The following NAA60 variants were observed in gnomAD, a reference collection of about 807,000 sequenced individuals.
The protein encoded by NAA60 is N-alpha-acetyltransferase 60, NatF catalytic subunit.
A neutral mutation model predicts 26.1 loss-of-function variants in NAA60; 8 were observed. That is an observed-to-expected ratio of 0.31 (90% confidence interval 0.18 to 0.55). NAA60 has a LOEUF of 0.55. Among genes scored for constraint, NAA60 ranks in the 20% least tolerant of loss-of-function variants. The probability of loss-of-function intolerance (pLI) is 0.93; values close to 1 mark genes in which losing one functional copy is unlikely to be tolerated. For synonymous variants in NAA60, 131 were observed against 122.5 expected, an observed-to-expected ratio of 1.07 and a Z score of -0.46; for missense variants, 290 against 311.3, an observed-to-expected ratio of 0.93 and a Z score of 0.51.
intron 2 of NAA60, among the ~76,000 whole-genome samples, chr16:3,473,441 G>T (rs887175362): frequency 1.3e-5 from 2 of 152,250 alleles, no homozygotes; most frequent in Middle Eastern, 6.8e-3. Context: ...GGTCTCGTGG[G>T]ACTTATTCAC....
chr16:3,463,551 T>TA (rs71133639), intron 2 of NAA60, among the ~76,000 whole-genome samples: 15,686 of 113,742 alleles, frequency 0.14, 1,251 homozygotes, highest in Non-Finnish European at 0.19. Context: ...GACCCTGTGT[T>TA]AAAAAAAAAA....
intron 5 of NAA60, chr16:3,482,943 A>C: frequency 2.1e-6 from 1 of 483,420 alleles, no homozygotes; most frequent in Non-Finnish European, 3.8e-6. Flanking sequence ...TCAGAGTAGA[A>C]AGCGTGAACA....
rs1429269091 is a variant in NAA60 at position 3,484,722 on chromosome 16, C to T, written c.596C>T (p.Ser199Phe). The T allele has an allele frequency of 5.6e-6, 9 of 1,594,998 alleles. No individual in the cohort carries two copies. Among genetic ancestry groups the T allele is most frequent in the Non-Finnish European group, 6.8e-6 (8 of 1,171,882 alleles). ...ACGGACTACATCCAGCACCTGGGCT[C>T]TGCACTAGCCAGCCTGAGCCCCTGC... ...TILDYIQHLG[S>F]ALASLSPCSI... Residue 199 changes from serine to phenylalanine, a missense_variant, in exon 7 of 8, where the codon TCT becomes TTT. Ser to Phe is a radical substitution (Grantham distance 155). Transcript: ENST00000407558.
At chr16:3,448,593 G>A in intron 2 of NAA60, 53 bp downstream of exon 2, 1 of 1,442,344 alleles carries the variant, frequency 6.9e-7, no homozygotes, top group Non-Finnish European at 9.4e-7. Flanking sequence ...ATAGTCAGAG[G>A]AAGCCTACTT....
chr16:3,475,473 G>A (rs954634444), intron 2 of NAA60, among the ~76,000 whole-genome samples: 4 of 152,028 alleles, frequency 2.6e-5, no homozygotes, highest in African/African-American at 7.2e-5. Flanking sequence ...GCACTTGGCC[G>A]GCCAGCCTTC....
At chr16:3,462,196 G>A (rs2035455460) in intron 2 of NAA60, among the ~76,000 whole-genome samples, 1 of 151,658 alleles carries the variant, frequency 6.6e-6, no homozygotes, top group East Asian at 1.9e-4. Context: ...CTGAAATAGG[G>A]TCGATTTGGC....
At chr16:3,466,701 T>C (rs1487199247) in intron 2 of NAA60, among the ~76,000 whole-genome samples, 4 of 152,138 alleles carry the variant, frequency 2.6e-5, no homozygotes, top group East Asian at 1.9e-4. Context: ...AGCAGAAGCC[T>C]GGTGTGCTAA....
At chr16:3,465,506 A>G (rs7201044) in intron 2 of NAA60, among the ~76,000 whole-genome samples, 1,796 of 152,174 alleles carry the variant, frequency 0.012, 30 homozygotes, top group African/African-American at 0.04. Context: ...CCCCACCACA[A>G]TCCAGCCCTG....
intron 1 of NAA60, among the ~76,000 whole-genome samples, chr16:3,444,331 T>C (rs1020129174): frequency 4.6e-5 from 7 of 152,090 alleles, no homozygotes; most frequent in African/African-American, 1.7e-4. Context: ...AGTTTACAAC[T>C]TTGCTTTCCT....
intron 1 of NAA60, among the ~76,000 whole-genome samples, chr16:3,444,922 A>G (rs554783576): frequency 5.3e-5 from 8 of 152,350 alleles, no homozygotes; most frequent in South Asian, 2.1e-4. Context: ...TTGATAATCT[A>G]CCTGCACAAA....
At chr16:3,473,059 A>G (rs1197308903) in intron 2 of NAA60, among the ~76,000 whole-genome samples, 2 of 151,966 alleles carry the variant, frequency 1.3e-5, no homozygotes, top group Non-Finnish European at 2.9e-5. Context: ...TTTTTGAGTC[A>G]GAATCTCACC....
intron 2 of NAA60, among the ~76,000 whole-genome samples, chr16:3,450,986 G>A (rs936746773): frequency 6.6e-6 from 1 of 152,300 alleles, no homozygotes; most frequent in East Asian, 1.9e-4. Flanking sequence ...ATGCAGGAGG[G>A]ATTATAACTC....
intron 1 of NAA60, among the ~76,000 whole-genome samples, chr16:3,445,757 A>C (rs2034526340): frequency 6.6e-6 from 1 of 152,142 alleles, no homozygotes; most frequent in Admixed American, 6.6e-5. Flanking sequence ...TGTGGTATTA[A>C]CTCAGTGGAT....
At chr16:3,478,730 A>G (rs2036638446) in intron 3 of NAA60, among the ~76,000 whole-genome samples, 1 of 151,908 alleles carries the variant, frequency 6.6e-6, no homozygotes, top group African/African-American at 2.4e-5. Flanking sequence ...GTAAACTCAA[A>G]CGCCTGTCAG....
At chr16:3,447,504 A>G (rs1370160522) in intron 1 of NAA60, 4 of 985,254 alleles carry the variant, frequency 4.1e-6, no homozygotes, top group Non-Finnish European at 4.8e-6. Flanking sequence ...TTTAAGGTCT[A>G]TTACTTAAAC....
chr16:3,456,122 C>A (rs2150954244), intron 2 of NAA60, among the ~76,000 whole-genome samples: 1 of 152,322 alleles, frequency 6.6e-6, no homozygotes, highest in East Asian at 1.9e-4. Flanking sequence ...CAAACACACA[C>A]CCCGTGGAAA....
At chr16:3,479,000 C>T (rs908872913) in intron 3 of NAA60, among the ~76,000 whole-genome samples, 1 of 152,078 alleles carries the variant, frequency 6.6e-6, no homozygotes, top group South Asian at 2.1e-4. Context: ...CTTTGGGAGG[C>T]CAAGACGGGC....
chr16:3,465,369 GCGTTCTGT>G (rs2035684573), intron 2 of NAA60, among the ~76,000 whole-genome samples: 1 of 151,016 alleles, frequency 6.6e-6, no homozygotes, highest in Admixed American at 6.6e-5. Flanking sequence ...CCCCGGTTTA[GCGTTCTGT>G]CCTTCTCTTG....
intron 1 of NAA60, among the ~76,000 whole-genome samples, 177 bp from the exon 2 acceptor site, chr16:3,448,290 AAAAC>A (rs1203070714): frequency 7.5e-4 from 114 of 151,340 alleles, no homozygotes; most frequent in African/African-American, 2.7e-3. Flanking sequence ...AAAAAAAAAA[AAAAC>A]ATGGGTTGCT....
Sources: gnomAD v4.1 joint callset for allele counts (sites outside exome capture counted in the v4.1 genomes callset) on GRCh38, gnomAD v4.1.1 for gene constraint, MANE v1.5 for transcripts, NCBI Gene and HGNC (gene_info 2026-07-23, HGNC 2026-07-21) for gene names.